The following ATP9A variants were observed in gnomAD, a reference collection of about 807,000 sequenced individuals.
ATP9A encodes the protein ATPase phospholipid transporting 9A, also known as probable phospholipid-transporting ATPase IIA.
ATP9A carries 52 observed loss-of-function variants against 144.1 expected under a neutral mutation model. The ratio of observed to expected loss-of-function variants is 0.36; its 90% confidence interval spans 0.29 to 0.45. ATP9A has a LOEUF of 0.45. Ranked by LOEUF, ATP9A falls within the 20% of genes least tolerant of loss-of-function variation. The pLI, the probability that ATP9A is intolerant of heterozygous loss-of-function variation, is 1.00. For missense variants in ATP9A, 947 were observed against 1,392.7 expected (o/e 0.68, Z 5.09); for synonymous variants, 582 against 557.4 (o/e 1.04, Z -0.62).
At chr20:51,682,331 AAAG>A (rs1464759702) in intron 9 of ATP9A, among the ~76,000 whole-genome samples, 2 of 152,144 alleles carry the variant, frequency 1.3e-5, no homozygotes, top group African/African-American at 2.4e-5. Context: ...AAGGCTTAGA[AAAG>A]AAGAATGGTG....
chr20:51,712,169 T>G (rs1428079623), intron 4 of ATP9A, among the ~76,000 whole-genome samples: 1 of 151,266 alleles, frequency 6.6e-6, no homozygotes, highest in African/African-American at 2.4e-5. Context: ...GCCTCCCAGG[T>G]TCACGCCATT....
chr20:51,738,046 T>G (rs1568842738), intron 1 of ATP9A, among the ~76,000 whole-genome samples: 1 of 147,968 alleles, frequency 6.8e-6, no homozygotes, highest in Non-Finnish European at 1.5e-5. Context: ...TTTTTTTTTT[T>G]GAGACAGAGT....
At chr20:51,698,481 T>C (rs777233889) in intron 4 of ATP9A, among the ~76,000 whole-genome samples, 1 of 152,198 alleles carries the variant, frequency 6.6e-6, no homozygotes, top group Non-Finnish European at 1.5e-5. Flanking sequence ...GCCGTGATCA[T>C]GTCACTCCGG....
At chr20:51,716,081 A>G (rs2077660690) in intron 3 of ATP9A, among the ~76,000 whole-genome samples, 1 of 152,110 alleles carries the variant, frequency 6.6e-6, no homozygotes, top group Non-Finnish European at 1.5e-5. Flanking sequence ...GGTGATGGAA[A>G]TGTTCCATAT....
At chr20:51,688,276 G>T (rs1490634666) in intron 9 of ATP9A, among the ~76,000 whole-genome samples, 2 of 152,166 alleles carry the variant, frequency 1.3e-5, no homozygotes, top group Non-Finnish European at 2.9e-5. Context: ...ATGCAGTCCT[G>T]ATCAGTGTCA....
At chr20:51,658,683 C>T (rs940760262) in intron 13 of ATP9A, among the ~76,000 whole-genome samples, 2 of 151,652 alleles carry the variant, frequency 1.3e-5, no homozygotes, top group Non-Finnish European at 2.9e-5. Context: ...CCAAGCCCTG[C>T]TAATTCTTGT....
chr20:51,696,474 GC>G (rs373065000), intron 5 of ATP9A, among the ~76,000 whole-genome samples: 25 of 152,230 alleles, frequency 1.6e-4, no homozygotes, highest in African/African-American at 6.0e-4. Context: ...TCTCTTCCAG[GC>G]TGTCTGCTGA....
rs961601584 is a variant in ATP9A at position 51,734,494 on chromosome 20, G to A, written c.69-4516C>T. The A allele has an allele frequency of 5.9e-5, 9 of 152,290 alleles. No homozygotes were observed. The East Asian group carries it at 1.2e-3, about 20-fold the overall frequency. 9.4% of individuals were successfully genotyped at this position (152,290 alleles called of 1,614,324 possible). On this transcript the variant is annotated intron_variant, in intron 1 of 27. Transcript: ENST00000338821. ...CCTCTAAAGCATAAGGTCCTCTTCC[G>A]GTTCCAGGCACTTCGGGAGCTGTGG...
chr20:51,696,192 C>T lies in ATP9A; in HGVS notation c.496-48G>A, dbSNP rs754655005. ...GTTACTGTGAATGAATGACCGTGTG[C>T]TGTGCGGTGGGGAGGGGGGCTTCCG... On this transcript the variant is annotated intron_variant, in intron 5 of 27. Transcript: ENST00000338821. 3.1e-6 allele frequency: 5 copies of T among 1,591,856 alleles called. No individual in the cohort carries two copies. The Admixed American group carries it at 5.0e-5, about 16-fold the overall frequency.
intron 4 of ATP9A, among the ~76,000 whole-genome samples, chr20:51,711,593 G>A (rs2077638725): frequency 6.6e-6 from 1 of 152,120 alleles, no homozygotes; most frequent in Non-Finnish European, 1.5e-5. Context: ...CATCTTAGGG[G>A]ACAATCGAAT....
At chr20:51,658,890 G>GTGGGGA (rs57163076) in intron 13 of ATP9A, among the ~76,000 whole-genome samples, 1 of 55,034 alleles carries the variant, frequency 1.8e-5, no homozygotes, top group Admixed American at 1.6e-4. Flanking sequence ...ACCACTGGCG[G>GTGGGGA]GGGGGGGGGG....
intron 14 of ATP9A, among the ~76,000 whole-genome samples, chr20:51,642,792 C>T (rs902190899): frequency 1.1e-4 from 15 of 142,124 alleles, no homozygotes; most frequent in African/African-American, 3.6e-4. Flanking sequence ...GTTCCCATTC[C>T]TTTTACCAAG....
At chr20:51,751,259 TTG>T (rs1491394915) in intron 1 of ATP9A, among the ~76,000 whole-genome samples, 6 of 142,782 alleles carry the variant, frequency 4.2e-5, no homozygotes, top group Admixed American at 7.3e-5. Context: ...TGGGTTTTTT[TTG>T]TTTTTTTTTT....
intron 9 of ATP9A, among the ~76,000 whole-genome samples, chr20:51,688,658 G>C (rs1215213790): frequency 6.6e-6 from 1 of 152,108 alleles, no homozygotes; most frequent in Non-Finnish European, 1.5e-5. Context: ...CTTCCTCTTG[G>C]TGTTTAAACA....
intron 1 of ATP9A, among the ~76,000 whole-genome samples, chr20:51,755,110 TC>T (rs1462016657): frequency 1.3e-5 from 2 of 150,312 alleles, no homozygotes; most frequent in African/African-American, 4.9e-5. Flanking sequence ...AGAGTGAGAC[TC>T]TGTCTCAAAA....
At position 51,618,965 on chromosome 20, in the gene ATP9A, C is replaced by CTCCCGAGATGACCAGGGCACAA. The variant is rs763603232; in HGVS notation, c.2172_2193dup (p.Asp732LeufsTer18). On this transcript the variant is annotated frameshift_variant, in exon 20 of 28. Coordinates refer to ENST00000338821, the MANE Select transcript of ATP9A (RefSeq NM_006045.3). LOFTEE classifies it high-confidence loss of function. ...GTCCCCAAGCTCACCTCCAGGGAGT[C>CTCCCGAGATGACCAGGGCACAA]TCCCGAGATGACCAGGGCACAATCA... The CTCCCGAGATGACCAGGGCACAA allele has an allele frequency of 6.2e-7, 1 of 1,614,060 alleles. No homozygotes were observed. The highest frequency in any genetic ancestry group is 1.3e-5 in the African/African-American group (1 of 74,918).
intron 18 of ATP9A, among the ~76,000 whole-genome samples, chr20:51,624,420 G>T (rs553926287): frequency 6.6e-6 from 1 of 152,100 alleles, no homozygotes; most frequent in African/African-American, 2.4e-5. Flanking sequence ...GTCCTCACGC[G>T]CCCTCTGCTG....
At chr20:51,630,313 C>T (rs1248697960) in intron 15 of ATP9A, among the ~76,000 whole-genome samples, 4 of 152,170 alleles carry the variant, frequency 2.6e-5, no homozygotes, top group Admixed American at 1.3e-4. Context: ...CTGAGCATGG[C>T]CATCAATACC....
rs1568837450 is a variant in ATP9A, at chr20:51,725,922, T to C, written c.224A>G (p.Asn75Ser). The C allele has an allele frequency of 6.2e-7, 1 of 1,601,292 alleles. No homozygotes were observed. Among genetic ancestry groups the C allele is most frequent in the Non-Finnish European group, 8.6e-7 (1 of 1,168,326 alleles). ...FFTFLPGVLFNQFKYFFNLYF... is the reference protein window; with the variant it reads ...FFTFLPGVLFSQFKYFFNLYF... ...GAGGTTGAAAAAGTATTTGAACTGGTTGAACAGCACCTGGAATGGAGGGAG... is the reference window on the plus strand; with the variant it reads ...GAGGTTGAAAAAGTATTTGAACTGGCTGAACAGCACCTGGAATGGAGGGAG... The change falls in exon 3 of 28, where the codon AAC becomes AGC. Residue 75 changes from asparagine to serine, a missense_variant. Coordinates refer to ENST00000338821, the MANE Select transcript of ATP9A (RefSeq NM_006045.3).
Sources: gnomAD v4.1 joint callset for allele counts (sites outside exome capture counted in the v4.1 genomes callset) on GRCh38, gnomAD v4.1.1 for gene constraint, MANE v1.5 for transcripts, NCBI Gene and HGNC (gene_info 2026-07-23, HGNC 2026-07-21) for gene names.